The following SEC14L1 variants were observed in gnomAD, a reference collection of about 807,000 sequenced individuals.
The protein encoded by SEC14L1 is SEC14-like protein 1.
Under a neutral mutation model 85.3 loss-of-function variants are expected in SEC14L1, and 48 were observed. The observed-to-expected ratio is 0.56, with a 90% CI of 0.45 to 0.72. The LOEUF (loss-of-function observed/expected upper bound fraction) is 0.72, where lower values mean the gene tolerates loss of function less well. Among genes scored for constraint, SEC14L1 ranks in the 30% least tolerant of loss-of-function variants. The pLI, the probability that SEC14L1 is intolerant of heterozygous loss-of-function variation, is 0.00. For missense variants in SEC14L1, 682 were observed against 921.4 expected, an observed-to-expected ratio of 0.74 and a Z score of 3.36; for synonymous variants, 391 against 355.5, an observed-to-expected ratio of 1.10 and a Z score of -1.12.
rs565121284 is a variant in SEC14L1 at position 77,127,809 on chromosome 17, G to C, written c.-135-14837G>C. 3 of 152,310 alleles carry C rather than the reference G, an allele frequency of 2.0e-5. No homozygotes were observed. The East Asian group carries it at 5.8e-4, about 29-fold the overall frequency. 9.4% of individuals were successfully genotyped at this position (152,310 alleles called of 1,614,324 possible). ...AGGAACTTGAGATGAGATCATCGTG[G>C]ATTTAGGGTCTACGATGATCTCATT... On this transcript the variant is annotated intron_variant, in intron 3 of 19. Transcript: ENST00000392476.
chr17:77,121,462 G>A (rs898495441), intron 3 of SEC14L1, among the ~76,000 whole-genome samples: 2 of 152,076 alleles, frequency 1.3e-5, no homozygotes, highest in South Asian at 2.1e-4. Flanking sequence ...AGGTTCAAGC[G>A]ATTCTCCTGC....
At chr17:77,197,768 C>T (rs917475061) in intron 8 of SEC14L1, among the ~76,000 whole-genome samples, 1 of 152,114 alleles carries the variant, frequency 6.6e-6, no homozygotes, top group African/African-American at 2.4e-5. Context: ...CCATTGCTGG[C>T]TAATTTTTGT....
chr17:77,179,835 C>T (rs1248973828), intron 3 of SEC14L1, among the ~76,000 whole-genome samples: 7 of 151,894 alleles, frequency 4.6e-5, no homozygotes, highest in Non-Finnish European at 7.4e-5. Flanking sequence ...CCACCACGCC[C>T]GGCTAATTTT....
chr17:77,202,412 A>C (rs904989020), intron 9 of SEC14L1, among the ~76,000 whole-genome samples: 15 of 152,188 alleles, frequency 9.9e-5, no homozygotes, highest in Non-Finnish European at 2.2e-4. Flanking sequence ...TGAGATCAGG[A>C]GTTCAAGACC....
Position 77,215,880 on chromosome 17 carries a change from G to A in SEC14L1, c.*1857G>A, listed in dbSNP as rs1296000907. ...TAGGTAGGGTTCGTAGGTAGGGTTC[G>A]TAGGTAGGGTTCGTAGGTAGGGCTA... On this transcript the variant is annotated 3_prime_UTR_variant, in exon 17 of 17. Transcript: ENST00000436233. The A allele has an allele frequency of 4.0e-5, 39 of 974,406 alleles. 2 individuals are homozygous for A. The highest frequency in any genetic ancestry group is 3.6e-4 in the African/African-American group (19 of 53,318). 60.4% of individuals were successfully genotyped at this position (974,406 alleles called of 1,614,324 possible).
At chr17:77,185,316 G>C (rs1431786633) in intron 3 of SEC14L1, 1 of 985,466 alleles carries the variant, frequency 1.0e-6, no homozygotes, top group Non-Finnish European at 1.2e-6. Flanking sequence ...GGAGAGGTCA[G>C]TGCAGCTTCT....
At chr17:77,191,335 G>A (rs1975525887) in intron 5 of SEC14L1, 23 bp downstream of exon 5, 1 of 1,613,314 alleles carries the variant, frequency 6.2e-7, no homozygotes, top group East Asian at 2.2e-5. Flanking sequence ...TCACTCGGCG[G>A]AAGATGTTCT....
At chr17:77,156,277 CA>C (rs1290277401) in intron 3 of SEC14L1, among the ~76,000 whole-genome samples, 1 of 152,066 alleles carries the variant, frequency 6.6e-6, no homozygotes, top group Admixed American at 6.6e-5. Context: ...CTCATGCCCT[CA>C]AAAATAGATT....
At chr17:77,190,757 G>A (rs1464074264) in intron 3 of SEC14L1, 46 bp from the exon 4 acceptor site, 2 of 1,606,682 alleles carry the variant, frequency 1.2e-6, no homozygotes, top group East Asian at 2.2e-5. Context: ...AGGACATCAG[G>A]TTGTGTCTTT....
rs1397855369 is a variant in SEC14L1, at chr17:77,216,856, T to G, written c.*2833T>G. 1.9e-5 allele frequency: 8 copies of G among 424,562 alleles called. No individual in the cohort carries two copies. The highest frequency in any genetic ancestry group is 3.0e-5 in the Non-Finnish European group (7 of 236,146). The allele number at this position is 424,562 out of a possible 1,614,324, so 26.3% of individuals were successfully genotyped here. A position where few individuals can be genotyped will look rare whatever the true frequency, so the allele number is the denominator to read the frequency against. On this transcript the variant is annotated 3_prime_UTR_variant, in exon 17 of 17. Coordinates refer to ENST00000436233, the MANE Select transcript of SEC14L1 (RefSeq NM_001143998.2). ...TTTGAGTATGCAGTTTGCATCGTGT[T>G]TCTACCTTTAGTACCTTGCCACTCT...
chr17:77,173,416 A>G (rs1974609112), intron 3 of SEC14L1, among the ~76,000 whole-genome samples: 1 of 151,532 alleles, frequency 6.6e-6, no homozygotes, highest in South Asian at 2.1e-4. Flanking sequence ...GGTGAGAGGT[A>G]TCTGGCTGAG....
chr17:77,095,091 C>T (rs1018359555), intron 3 of SEC14L1: 2 of 152,236 alleles, frequency 1.3e-5, no homozygotes, highest in African/African-American at 4.8e-5. Flanking sequence ...TGAGTCTTTG[C>T]AAGCAGCTGC....
chr17:77,163,108 C>CT (rs1289189477), intron 3 of SEC14L1, among the ~76,000 whole-genome samples: 2 of 152,144 alleles, frequency 1.3e-5, no homozygotes, highest in African/African-American at 4.8e-5. Flanking sequence ...ATTGACGTAG[C>CT]TCCTGCCGCT....
chr17:77,167,569 C>T (rs1390011040), intron 3 of SEC14L1, among the ~76,000 whole-genome samples: 1 of 152,126 alleles, frequency 6.6e-6, no homozygotes, highest in African/African-American at 2.4e-5. Context: ...AATTGAGCAG[C>T]TAGTACAGAG....
intron 3 of SEC14L1, among the ~76,000 whole-genome samples, chr17:77,126,339 A>C (rs958434650): frequency 3.3e-5 from 5 of 152,252 alleles, no homozygotes; most frequent in African/African-American, 1.2e-4. Flanking sequence ...CCTGGGCCTG[A>C]TACAACTGGT....
chr17:77,138,759 T>C (rs900519695), upstream of SEC14L1, among the ~76,000 whole-genome samples: 11 of 152,128 alleles, frequency 7.2e-5, no homozygotes, highest in Admixed American at 5.9e-4. Flanking sequence ...CAGGTGATGA[T>C]GCTGCAGACG....
intron 2 of SEC14L1, among the ~76,000 whole-genome samples, chr17:77,092,637 C>T (rs1971544195): frequency 6.6e-6 from 1 of 152,068 alleles, no homozygotes; most frequent in Non-Finnish European, 1.5e-5. Flanking sequence ...TGGTGGTCTA[C>T]AGATGACAGC....
chr17:77,188,852 T>G (rs1219006215), intron 3 of SEC14L1, among the ~76,000 whole-genome samples: 1 of 152,242 alleles, frequency 6.6e-6, no homozygotes, highest in Admixed American at 6.5e-5. Flanking sequence ...CTTTGTGATT[T>G]TAATTTGCAT....
chr17:77,182,178 C>T lies in SEC14L1; in HGVS notation c.64-8625C>T, dbSNP rs1159846449. ...GAACATAGCTCATGTTAAAGGTAGG[C>T]TCTTTAGGTTGAGTTTGTTTTGAAT... On this transcript the variant is annotated intron_variant, in intron 3 of 16. Coordinates refer to ENST00000436233, the MANE Select transcript of SEC14L1 (RefSeq NM_001143998.2). Among the ~76,000 whole-genome samples, 4 of 152,122 alleles carry T rather than the reference C, an allele frequency of 2.6e-5. No homozygotes were observed. The South Asian group carries it at 6.2e-4, about 24-fold the overall frequency.
Sources: gnomAD v4.1 joint callset for allele counts (sites outside exome capture counted in the v4.1 genomes callset) on GRCh38, gnomAD v4.1.1 for gene constraint, MANE v1.5 for transcripts, NCBI Gene and HGNC (gene_info 2026-07-23, HGNC 2026-07-21) for gene names.